Variants in PGAP4 observed in about 807,000 individuals in gnomAD.
PGAP4 encodes post-GPI attachment to proteins GalNAc transferase 4, also known as GPI-N-acetylgalactosamine transferase PGAP4.
PGAP4 carries 12 observed loss-of-function variants against 28.2 expected under a neutral mutation model. The ratio of observed to expected loss-of-function variants is 0.42; its 90% CI spans 0.27 to 0.69. PGAP4 has a LOEUF of 0.69. PGAP4 is among the 30% of genes least tolerant of loss of function. The pLI, the probability that PGAP4 is intolerant of heterozygous loss-of-function variation, is 0.22. For missense variants in PGAP4, 425 were observed against 513.5 expected (o/e 0.83, Z 1.67); for synonymous variants, 205 against 211.8 (o/e 0.97, Z 0.28).
At chr9:101,500,365 C>T (rs973805887) in intron 2 of PGAP4, among the ~76,000 whole-genome samples, 8 of 152,104 alleles carry the variant, frequency 5.3e-5, no homozygotes, top group Admixed American at 3.3e-4. Flanking sequence ...GGCTCTTCCT[C>T]GCATTACTGT....
chr9:101,519,209 G>A (rs1053840007), intron 2 of PGAP4, among the ~76,000 whole-genome samples: 3 of 152,108 alleles, frequency 2.0e-5, no homozygotes, highest in African/African-American at 7.2e-5. Context: ...CCAGGCTGGA[G>A]TGCAATGGTG....
intron 2 of PGAP4, among the ~76,000 whole-genome samples, chr9:101,513,092 C>G (rs1174479449): frequency 3.3e-5 from 5 of 152,054 alleles, no homozygotes; most frequent in East Asian, 3.9e-4. Flanking sequence ...AAATTTTAAC[C>G]CTTACTTTGT....
chr9:101,528,794 G>GT (rs201196657), intron 2 of PGAP4, among the ~76,000 whole-genome samples: 4,310 of 140,186 alleles, frequency 0.031, 67 homozygotes, highest in Non-Finnish European at 0.046. Flanking sequence ...ACACTTCTTA[G>GT]TTTTTTTTTT....
chr9:101,510,303 G>A (rs1826885250), intron 2 of PGAP4, among the ~76,000 whole-genome samples: 1 of 152,140 alleles, frequency 6.6e-6, no homozygotes, highest in South Asian at 2.1e-4. Flanking sequence ...AGTGCAGTTA[G>A]CCACCAAGAA....
At chr9:101,519,150 TGTTTG>T (rs61428574) in intron 2 of PGAP4, among the ~76,000 whole-genome samples, 23,850 of 151,928 alleles carry the variant, frequency 0.16, 2,374 homozygotes, top group East Asian at 0.36. Flanking sequence ...GGCCCACTTT[TGTTTG>T]GTTTTGTTTT....
chr9:101,478,113 G>T (rs1320145392), intron 1 of PGAP4, among the ~76,000 whole-genome samples: 1 of 152,168 alleles, frequency 6.6e-6, no homozygotes, highest in Non-Finnish European at 1.5e-5. Context: ...CTCTAAAATG[G>T]AAATAATAAT....
intron 2 of PGAP4, among the ~76,000 whole-genome samples, chr9:101,498,983 G>A (rs995022341): frequency 1.3e-5 from 2 of 151,850 alleles, no homozygotes; most frequent in South Asian, 2.1e-4. Context: ...TTTTAACCCA[G>A]GTGTGCAGAT....
chr9:101,511,860 T>C (rs1271220288), intron 2 of PGAP4, among the ~76,000 whole-genome samples: 2 of 152,182 alleles, frequency 1.3e-5, no homozygotes, highest in Admixed American at 6.5e-5. Context: ...GTATGTTTTC[T>C]GGATGGGTCA....
At chr9:101,481,550 A>T (rs1418770550) in intron 1 of PGAP4, 2 of 152,242 alleles carry the variant, frequency 1.3e-5, no homozygotes, top group Non-Finnish European at 2.9e-5. Flanking sequence ...CCCTAAACAG[A>T]ATTCTCTACC....
At chr9:101,513,211 T>C (rs1826912059) in intron 2 of PGAP4, among the ~76,000 whole-genome samples, 1 of 152,150 alleles carries the variant, frequency 6.6e-6, no homozygotes, top group African/African-American at 2.4e-5. Flanking sequence ...ATTTTCTTCA[T>C]TGTCCGCAAT....
chr9:101,494,918 C>A (rs936419245), intron 2 of PGAP4, among the ~76,000 whole-genome samples: 1 of 150,030 alleles, frequency 6.7e-6, no homozygotes, highest in African/African-American at 2.4e-5. Context: ...CAATTAGTTA[C>A]CTGAATAGCA....
intron 2 of PGAP4, among the ~76,000 whole-genome samples, chr9:101,529,444 C>T (rs1032116207): frequency 4.6e-5 from 7 of 152,170 alleles, no homozygotes; most frequent in South Asian, 4.1e-4. Context: ...CATAAGCCAC[C>T]GCGCCCGGCC....
chr9:101,521,186 G>C (rs985783399), intron 2 of PGAP4, among the ~76,000 whole-genome samples: 1 of 151,858 alleles, frequency 6.6e-6, no homozygotes, highest in Non-Finnish European at 1.5e-5. Context: ...TTTCTTTTTT[G>C]GTTGTGTCCT....
intron 2 of PGAP4, among the ~76,000 whole-genome samples, chr9:101,512,707 A>G (rs2118612961): frequency 6.6e-6 from 1 of 152,308 alleles, no homozygotes; most frequent in Admixed American, 6.5e-5. Context: ...ACAATAATAC[A>G]CATTGTTAAA....
intron 2 of PGAP4, among the ~76,000 whole-genome samples, chr9:101,518,926 A>ATT (rs1826962599): frequency 6.6e-6 from 1 of 152,158 alleles, no homozygotes; most frequent in African/African-American, 2.4e-5. Context: ...TTACATTCCC[A>ATT]CCAGCAGTGT....
chr9:101,481,717 G>A (rs1214767718), intron 1 of PGAP4, among the ~76,000 whole-genome samples: 1 of 152,186 alleles, frequency 6.6e-6, no homozygotes, highest in East Asian at 1.9e-4. Flanking sequence ...ATCCACGGGT[G>A]TGGAAGACAC....
chr9:101,474,055 A>G lies in PGAP4; in HGVS notation c.*1826T>C, dbSNP rs546067945. 12 of 152,244 alleles carry G rather than the reference A, an allele frequency of 7.9e-5. No individual in the cohort carries two copies. The highest frequency in any genetic ancestry group is 1.3e-4 in the Non-Finnish European group (9 of 68,046). The allele number at this position is 152,244 out of a possible 1,614,324, so 9.4% of individuals were successfully genotyped here. ...AGCTTACAGAGACATGATCTAGTTCAGCTTATACTCAGATTTTACAAAAGA... is the reference window on the plus strand; with the variant it reads ...AGCTTACAGAGACATGATCTAGTTCGGCTTATACTCAGATTTTACAAAAGA... On this transcript the variant is annotated 3_prime_UTR_variant, in exon 2 of 2. Transcript: ENST00000374848.
chr9:101,480,271 T>C (rs1233819434), intron 1 of PGAP4, among the ~76,000 whole-genome samples: 1 of 152,230 alleles, frequency 6.6e-6, no homozygotes, highest in African/African-American at 2.4e-5. Context: ...TTCTTGTTCA[T>C]AGTACTTGTC....
intron 1 of PGAP4, among the ~76,000 whole-genome samples, chr9:101,485,099 A>G (rs1045560045): frequency 1.3e-5 from 2 of 150,416 alleles, no homozygotes; most frequent in African/African-American, 4.8e-5. Flanking sequence ...TATAGCTATA[A>G]TAAATTAAAT....
Sources: allele counts gnomAD v4.1 joint callset (sites outside exome capture counted in the v4.1 genomes callset), GRCh38; gene constraint gnomAD v4.1.1; transcripts MANE v1.5; gene names NCBI Gene and HGNC (gene_info 2026-07-23, HGNC 2026-07-21).